The following CCDC171 variants were observed in gnomAD, a reference collection of about 807,000 sequenced individuals.
CCDC171 encodes the protein coiled-coil domain-containing protein 171.
CCDC171 carries 177 observed loss-of-function variants against 168.2 expected under a neutral mutation model. The observed-to-expected ratio is 1.05, with a 90% CI of 0.93 to 1.19. CCDC171 has a LOEUF of 1.19. Ranked by LOEUF, CCDC171 falls within the 50% of genes most tolerant of loss-of-function variation. The pLI is 0.00. For missense variants in CCDC171, 1,991 were observed against 1,539.0 expected (o/e 1.29, Z -4.91); for synonymous variants, 687 against 540.8 (o/e 1.27, Z -3.75).
intron 23 of CCDC171, among the ~76,000 whole-genome samples, chr9:15,859,658 T>C (rs1406975954): frequency 2.1e-5 from 3 of 141,694 alleles, no homozygotes; most frequent in Non-Finnish European, 3.1e-5. Flanking sequence ...TTTTGTTTTG[T>C]TTTGTTTTGT....
intron 21 of CCDC171, among the ~76,000 whole-genome samples, chr9:15,815,666 T>C: frequency 8.6e-6 from 1 of 116,610 alleles, no homozygotes; most frequent in South Asian, 2.8e-4. Flanking sequence ...GGTAAACCTT[T>C]AAACAAAAGA....
intron 21 of CCDC171, among the ~76,000 whole-genome samples, chr9:15,805,138 C>T (rs768635171): frequency 4.0e-5 from 6 of 151,616 alleles, no homozygotes; most frequent in Non-Finnish European, 8.9e-5. Flanking sequence ...TGAATCTTCT[C>T]TCTTCTTTAT....
intron 1 of CCDC171, among the ~76,000 whole-genome samples, chr9:16,058,052 A>AT (rs200655752): frequency 0.013 from 1,945 of 150,914 alleles, 48 homozygotes; most frequent in African/African-American, 0.045. Context: ...GAAAAAAAAA[A>AT]AATAATAATA....
At chr9:15,894,984 A>G (rs1820719038) in intron 24 of CCDC171, among the ~76,000 whole-genome samples, 1 of 152,138 alleles carries the variant, frequency 6.6e-6, no homozygotes, top group Non-Finnish European at 1.5e-5. Flanking sequence ...TAATGAATGA[A>G]CCAGGATTTT....
At chr9:15,648,381 T>G (rs1211182679) in intron 7 of CCDC171, among the ~76,000 whole-genome samples, 1 of 152,146 alleles carries the variant, frequency 6.6e-6, no homozygotes, top group Non-Finnish European at 1.5e-5. Flanking sequence ...CAACATAGTG[T>G]TGGAAGTTCT....
intron 7 of CCDC171, among the ~76,000 whole-genome samples, chr9:15,653,821 T>A (rs866835292): frequency 1.3e-5 from 2 of 152,228 alleles, no homozygotes; most frequent in South Asian, 4.1e-4. Context: ...TTTTCTCTGT[T>A]GCCCAGGCTG....
intron 20 of CCDC171, among the ~76,000 whole-genome samples, chr9:15,782,813 C>T (rs2057734675): frequency 6.6e-6 from 1 of 152,106 alleles, no homozygotes; most frequent in African/African-American, 2.4e-5. Context: ...GTGGAGAGTT[C>T]GGCAGCTGTT....
intron 7 of CCDC171, among the ~76,000 whole-genome samples, chr9:15,625,444 T>A (rs544703490): frequency 1.3e-5 from 2 of 152,314 alleles, no homozygotes; most frequent in East Asian, 3.9e-4. Flanking sequence ...GTTTTTATGG[T>A]TTTAGGTCTA....
At chr9:15,754,045 G>C (rs1449248787) in intron 18 of CCDC171, among the ~76,000 whole-genome samples, 1 of 152,054 alleles carries the variant, frequency 6.6e-6, no homozygotes, top group African/African-American at 2.4e-5. Flanking sequence ...TTTTGTAGTA[G>C]AAATTTCAGG....
At chr9:15,934,520 C>T (rs191877078) in intron 25 of CCDC171, among the ~76,000 whole-genome samples, 85 of 151,950 alleles carry the variant, frequency 5.6e-4, no homozygotes, top group African/African-American at 1.9e-3. Flanking sequence ...ACAAGCATTG[C>T]AAGGATATGG....
intron 4 of CCDC171, among the ~76,000 whole-genome samples, chr9:15,590,725 A>G (rs1587205448): frequency 6.6e-6 from 1 of 152,066 alleles, no homozygotes. Flanking sequence ...AACTTGCCCT[A>G]TATATCACAG....
intron 2 of CCDC171, among the ~76,000 whole-genome samples, chr9:15,570,778 G>A (rs1587035673): frequency 6.6e-6 from 1 of 152,154 alleles, no homozygotes; most frequent in South Asian, 2.1e-4. Flanking sequence ...ACTCTAGAGC[G>A]CTCTTTCCTT....
intron 24 of CCDC171, among the ~76,000 whole-genome samples, chr9:15,887,357 C>G (rs144443525): frequency 2.1e-4 from 32 of 152,120 alleles, no homozygotes; most frequent in African/African-American, 7.5e-4. Context: ...AGTTTTGGAG[C>G]CTTCTAGTAA....
In CCDC171 at chr9:15,779,071, A is replaced by T. The variant is rs1337780103; in HGVS notation, c.3002A>T (p.Lys1001Ile). The T allele has an allele frequency of 6.2e-7, 1 of 1,605,048 alleles. No homozygotes were observed. Among genetic ancestry groups the T allele is most frequent in the Admixed American group, 1.7e-5 (1 of 58,660 alleles). The change falls in exon 20 of 26, where the codon AAA (lysine) becomes ATA (isoleucine). Residue 1001 changes from lysine (K) to isoleucine (I), a missense_variant. Lys to Ile is a moderately radical substitution (Grantham distance 102). Coordinates refer to ENST00000380701, the MANE Select transcript of CCDC171 (RefSeq NM_173550.4). ...CTACGCTTAGAGGTCACAGAATTCA[A>T]ACGAAGTGTGAATGAAATGAAAAAG... ...RSLRLEVTEF[K>I]RSVNEMKKEL...
At chr9:16,107,530 C>A in the CCDC171 span, among the ~76,000 whole-genome samples, 77 of 152,140 alleles carry the variant, frequency 5.1e-4, no homozygotes, top group African/African-American at 1.8e-3. Context: ...TTACTGTTCT[C>A]TCTCTAAATG....
chr9:15,781,800 A>G (rs961327606), intron 20 of CCDC171, among the ~76,000 whole-genome samples: 3 of 152,336 alleles, frequency 2.0e-5, no homozygotes, highest in South Asian at 4.1e-4. Flanking sequence ...TTGACCAGGT[A>G]TCAGACACTG....
chr9:15,725,011 C>A, intron 14 of CCDC171, 35 bp downstream of exon 14: 1 of 1,474,074 alleles, frequency 6.8e-7, no homozygotes, highest in Non-Finnish European at 9.5e-7. Context: ...TCAGGAAGGG[C>A]CTTTCACTAA....
chr9:15,939,591 C>T (rs1309007556), intron 25 of CCDC171, among the ~76,000 whole-genome samples: 7 of 151,832 alleles, frequency 4.6e-5, no homozygotes, highest in Admixed American at 4.6e-4. Flanking sequence ...ATAAGTCTCA[C>T]AGTCTTGTTT....
chr9:16,014,794 G>T (rs952470032), intron 3 of CCDC171, among the ~76,000 whole-genome samples: 1 of 152,002 alleles, frequency 6.6e-6, no homozygotes, highest in Non-Finnish European at 1.5e-5. Context: ...TCAACAATAG[G>T]CTTAAATATT....
Sources: gnomAD v4.1 joint callset for allele counts (sites outside exome capture counted in the v4.1 genomes callset) on GRCh38, gnomAD v4.1.1 for gene constraint, MANE v1.5 for transcripts, NCBI Gene and HGNC (gene_info 2026-07-23, HGNC 2026-07-21) for gene names.